The following OXR1 variants were observed in gnomAD, a reference collection of about 807,000 sequenced individuals.
The protein encoded by OXR1 is oxidation resistance protein 1.
OXR1 carries 41 observed loss-of-function variants against 104.6 expected under a neutral mutation model. That is an observed-to-expected ratio of 0.39 (90% confidence interval 0.31 to 0.51). The LOEUF (loss-of-function observed/expected upper bound fraction) is 0.51, where lower values mean the gene tolerates loss of function less well. OXR1 is among the 20% of genes least tolerant of loss of function. The pLI, the probability that OXR1 is intolerant of heterozygous loss-of-function variation, is 0.77. For missense variants in OXR1, 955 were observed against 1,031.9 expected, an observed-to-expected ratio of 0.93 and a Z score of 1.02; for synonymous variants, 348 against 348.4, an observed-to-expected ratio of 1.00 and a Z score of 0.01.
At chr8:106,712,694 G>A (rs968088908) in intron 10 of OXR1, among the ~76,000 whole-genome samples, 1 of 151,986 alleles carries the variant, frequency 6.6e-6, no homozygotes, top group African/African-American at 2.4e-5. Context: ...CATATATAGA[G>A]TAAGTACAAT....
chr8:106,530,470 A>T (rs907109279), intron 3 of OXR1, among the ~76,000 whole-genome samples: 1 of 152,148 alleles, frequency 6.6e-6, no homozygotes, highest in African/African-American at 2.4e-5. Flanking sequence ...ATATTTCTTT[A>T]CATGTAAAAA....
chr8:106,505,392 AAAAG>A (rs1216469005), intron 2 of OXR1, among the ~76,000 whole-genome samples: 3 of 152,244 alleles, frequency 2.0e-5, no homozygotes, highest in African/African-American at 7.2e-5. Context: ...TTGGATACAT[AAAAG>A]AAATCTACTT....
chr8:106,559,303 C>A (rs1816506985), intron 3 of OXR1, among the ~76,000 whole-genome samples: 1 of 152,186 alleles, frequency 6.6e-6, no homozygotes, highest in Non-Finnish European at 1.5e-5. Flanking sequence ...TAACAACATT[C>A]TGATCACAGT....
intron 2 of OXR1, among the ~76,000 whole-genome samples, chr8:106,422,605 T>C (rs1358852666): frequency 5.9e-5 from 9 of 152,194 alleles, no homozygotes; most frequent in Admixed American, 1.3e-4. Context: ...TTCACTTGTA[T>C]CATTTCACAT....
At chr8:106,704,445 C>G (rs1421809207) in intron 8 of OXR1, among the ~76,000 whole-genome samples, 1 of 114,276 alleles carries the variant, frequency 8.8e-6, no homozygotes, top group African/African-American at 3.3e-5. Flanking sequence ...CTCGCTCTAT[C>G]ACCCAGGCTG....
Position 106,751,041 on chromosome 8 carries a change from G to C in OXR1, c.*100G>C, listed in dbSNP as rs1027911791. 3 of 849,202 alleles carry C rather than the reference G, an allele frequency of 3.5e-6. No individual in the cohort carries two copies. The East Asian group carries it at 8.0e-5, about 23-fold the overall frequency. The allele number at this position is 849,202 out of a possible 1,614,324, so 52.6% of individuals were successfully genotyped here. On this transcript the variant is annotated 3_prime_UTR_variant, in exon 17 of 17. Coordinates refer to ENST00000517566, the MANE Select transcript of OXR1 (RefSeq NM_001198533.2). ...AGCAATACAGTGTAACATGTCACTT[G>C]TGCTTTAAAATTAGTCTGTATCACC... is the stretch of plus-strand genomic sequence containing the variant.
chr8:106,430,005 A>G (rs1182601728), intron 2 of OXR1, among the ~76,000 whole-genome samples: 1 of 152,146 alleles, frequency 6.6e-6, no homozygotes, highest in Non-Finnish European at 1.5e-5. Context: ...ATGGAAACTA[A>G]GAATAGAAGG....
chr8:106,645,941 G>C (rs1014104097), intron 3 of OXR1, among the ~76,000 whole-genome samples: 3 of 151,970 alleles, frequency 2.0e-5, no homozygotes, highest in Non-Finnish European at 4.4e-5. Context: ...ATTTCATCTT[G>C]TATTGACACA....
chr8:106,623,113 A>G (rs1440019072), intron 3 of OXR1, among the ~76,000 whole-genome samples: 1 of 152,222 alleles, frequency 6.6e-6, no homozygotes, highest in Non-Finnish European at 1.5e-5. Flanking sequence ...GAGTAGATTA[A>G]TTAGAAGAAG....
chr8:106,738,104 GAC>G (rs1253015575), intron 12 of OXR1, among the ~76,000 whole-genome samples: 1 of 151,994 alleles, frequency 6.6e-6, no homozygotes, highest in East Asian at 1.9e-4. Flanking sequence ...GTACAGTTTA[GAC>G]ACAGAACTGG....
At chr8:106,369,385 G>T (rs952423916) in intron 2 of OXR1, among the ~76,000 whole-genome samples, 4 of 152,142 alleles carry the variant, frequency 2.6e-5, no homozygotes, top group African/African-American at 9.7e-5. Flanking sequence ...TTGCTGTGTA[G>T]AAGCTCATTA....
At chr8:106,711,986 G>A (rs776955) in intron 10 of OXR1, among the ~76,000 whole-genome samples, 6,223 of 152,116 alleles carry the variant, frequency 0.041, 187 homozygotes, top group Non-Finnish European at 0.064. Flanking sequence ...CCTGTCTTAA[G>A]GAGATAGATA....
chr8:106,649,981 T>C (rs928694655), intron 3 of OXR1, among the ~76,000 whole-genome samples: 10 of 152,024 alleles, frequency 6.6e-5, no homozygotes, highest in African/African-American at 2.4e-4. Context: ...CAGGTGTGAG[T>C]CACCGCACCT....
intron 2 of OXR1, among the ~76,000 whole-genome samples, chr8:106,428,678 T>C (rs944962455): frequency 1.3e-4 from 20 of 151,966 alleles, no homozygotes; most frequent in African/African-American, 4.6e-4. Context: ...TGAAGACTGT[T>C]TAGCACATAG....
At chr8:106,607,799 TTTTC>T (rs1417179283) in intron 3 of OXR1, among the ~76,000 whole-genome samples, 3 of 140,576 alleles carry the variant, frequency 2.1e-5, no homozygotes, top group African/African-American at 7.6e-5. Flanking sequence ...TCCTCTTTCT[TTTTC>T]TTTTTCTTTT....
intron 3 of OXR1, among the ~76,000 whole-genome samples, chr8:106,589,211 G>C (rs986647157): frequency 5.3e-5 from 8 of 152,174 alleles, no homozygotes; most frequent in Admixed American, 4.6e-4. Context: ...GCAGATGTGG[G>C]TTGTAAAATG....
intron 2 of OXR1, among the ~76,000 whole-genome samples, chr8:106,378,599 AC>A (rs566961842): frequency 4.7e-4 from 71 of 152,158 alleles, no homozygotes; most frequent in Admixed American, 9.8e-4. Flanking sequence ...AACTTCTGAC[AC>A]CCAGGTTCAA....
chr8:106,369,513 G>A (rs1160839584), intron 2 of OXR1, among the ~76,000 whole-genome samples: 1 of 152,140 alleles, frequency 6.6e-6, no homozygotes, highest in African/African-American at 2.4e-5. Flanking sequence ...TTTTCTTCTA[G>A]GGTTTTTATG....
chr8:106,323,973 G>A (rs1221622024), intron 1 of OXR1, among the ~76,000 whole-genome samples: 1 of 152,138 alleles, frequency 6.6e-6, no homozygotes, highest in Non-Finnish European at 1.5e-5. Flanking sequence ...GGAGCTAAAA[G>A]CAGAACTACC....
Sources: gnomAD v4.1 joint callset for allele counts (sites outside exome capture counted in the v4.1 genomes callset) on GRCh38, gnomAD v4.1.1 for gene constraint, MANE v1.5 for transcripts, NCBI Gene and HGNC (gene_info 2026-07-23, HGNC 2026-07-21) for gene names.